The following SGPP2 variants were observed in gnomAD, a reference collection of about 807,000 sequenced individuals.
SGPP2 encodes sphingosine-1-phosphate phosphatase 2.
Under a neutral mutation model 33.9 loss-of-function variants are expected in SGPP2, and 30 were observed. The observed-to-expected ratio is 0.89, with a 90% CI of 0.66 to 1.20. The LOEUF is 1.20. Among genes scored for constraint, SGPP2 ranks in the 50% most tolerant of loss-of-function variants. The probability of loss-of-function intolerance (pLI) is 0.00; values close to 1 mark genes in which losing one functional copy is unlikely to be tolerated. For synonymous variants in SGPP2, 233 were observed against 225.0 expected, an observed-to-expected ratio of 1.04 and a Z score of -0.32; for missense variants, 458 against 532.1, an observed-to-expected ratio of 0.86 and a Z score of 1.37.
intron 1 of SGPP2, among the ~76,000 whole-genome samples, chr2:222,430,193 A>T (rs1273016930): frequency 6.6e-6 from 1 of 152,218 alleles, no homozygotes; most frequent in Non-Finnish European, 1.5e-5. Context: ...GTTGGGGCTT[A>T]AAGAGTGGGT....
chr2:222,455,812 A>G (rs911874878), intron 1 of SGPP2, among the ~76,000 whole-genome samples: 2 of 152,220 alleles, frequency 1.3e-5, no homozygotes, highest in Admixed American at 6.5e-5. Context: ...TGTAATCCCA[A>G]TGCTTTGGGA....
rs1387444559 is a variant in SGPP2, at chr2:222,551,346, C to G, written c.649-7001C>G. Among the ~76,000 whole-genome samples, 4 of 152,026 alleles carry G rather than the reference C, an allele frequency of 2.6e-5. No individual in the cohort carries two copies. The East Asian group carries it at 7.7e-4, about 29-fold the overall frequency. On this transcript the variant is annotated intron_variant, in intron 4 of 4. Coordinates refer to ENST00000321276, the MANE Select transcript of SGPP2 (RefSeq NM_152386.4). ...CACTATGCAGCTCCAAAGAAGTAAC[C>G]TCCTAACTTTGAATATGCAAAAAAA... is the stretch of plus-strand genomic sequence containing the variant.
At chr2:222,430,741 A>T (rs1243671485) in intron 1 of SGPP2, among the ~76,000 whole-genome samples, 1 of 152,232 alleles carries the variant, frequency 6.6e-6, no homozygotes, top group East Asian at 1.9e-4. Context: ...CCTTGGCCAG[A>T]TGATCAAGGT....
intron 2 of SGPP2, among the ~76,000 whole-genome samples, chr2:222,494,071 T>C (rs1256096812): frequency 1.3e-5 from 2 of 152,228 alleles, no homozygotes; most frequent in Non-Finnish European, 2.9e-5. Context: ...TCAAGGAAAG[T>C]AACTTCAAAA....
chr2:222,474,411 A>G (rs943213639), intron 1 of SGPP2, among the ~76,000 whole-genome samples, 157 bp from the exon 2 acceptor site: 1 of 152,222 alleles, frequency 6.6e-6, no homozygotes, highest in Non-Finnish European at 1.5e-5. Flanking sequence ...GAATAAATTG[A>G]GGTTGAAAAG....
intron 2 of SGPP2, among the ~76,000 whole-genome samples, chr2:222,492,716 G>T (rs1160602500): frequency 1.2e-4 from 19 of 152,200 alleles, no homozygotes; most frequent in Admixed American, 1.2e-3. Context: ...CAGAAAATGG[G>T]TTTTCCTTTC....
chr2:222,555,680 A>T (rs1364461040), intron 4 of SGPP2, among the ~76,000 whole-genome samples: 1 of 152,186 alleles, frequency 6.6e-6, no homozygotes, highest in Non-Finnish European at 1.5e-5. Flanking sequence ...TCAAAGACAG[A>T]ATCTGCAAAT....
intron 1 of SGPP2, among the ~76,000 whole-genome samples, chr2:222,440,047 CA>C (rs1175771586): frequency 6.6e-6 from 1 of 152,160 alleles, no homozygotes; most frequent in East Asian, 1.9e-4. Context: ...GTTAAAAAAT[CA>C]ATACTGCCTT....
In SGPP2 at chr2:222,561,779, C is replaced by T. The variant is rs1036490069; in HGVS notation, c.*2881C>T. ...GAAAAGTGTATATTGGTGACGCCAACCTCAGTTTCTGAGCACTCCTGCTCT... is the reference window on the plus strand; with the variant it reads ...GAAAAGTGTATATTGGTGACGCCAATCTCAGTTTCTGAGCACTCCTGCTCT... On this transcript the variant is annotated 3_prime_UTR_variant, in exon 5 of 5. Transcript: ENST00000321276. 6.6e-6 allele frequency among the ~76,000 whole-genome samples: 1 copy of T among 151,836 alleles called. No individual in the cohort carries two copies. The highest frequency in any genetic ancestry group is 1.5e-5 in the Non-Finnish European group (1 of 67,988).
rs1697936869 is a variant in SGPP2 at position 222,476,634 on chromosome 2, AC to A, written c.378+1910del. Among the ~76,000 whole-genome samples, 1 of 151,528 alleles carries A rather than the reference AC, an allele frequency of 6.6e-6. No homozygotes were observed. The highest frequency in any genetic ancestry group is 2.1e-4 in the South Asian group (1 of 4,794). On this transcript the variant is annotated intron_variant, in intron 2 of 4. Transcript: ENST00000321276. This position sits in a 1 kb window ranked among gnomAD's most constrained non-coding sequence, Gnocchi z 4.3. ...CTTAACATCTGAAAACCCTTGGAAA[AC>A]CTATGGGCTTGAGTTTCTTTCCTAC... is the stretch of plus-strand genomic sequence containing the variant.
chr2:222,497,821 G>A (rs534305549), intron 2 of SGPP2, among the ~76,000 whole-genome samples: 17 of 152,296 alleles, frequency 1.1e-4, no homozygotes, highest in African/African-American at 4.1e-4. Flanking sequence ...GATGTGATGA[G>A]GGAAGAGCAG....
intron 1 of SGPP2, among the ~76,000 whole-genome samples, chr2:222,436,609 C>A (rs1389369619): frequency 1.3e-5 from 2 of 152,122 alleles, no homozygotes; most frequent in Non-Finnish European, 2.9e-5. Flanking sequence ...ACTTCTTTAG[C>A]CGTAAAGTGA....
At chr2:222,446,475 G>A (rs914019104) in intron 1 of SGPP2, among the ~76,000 whole-genome samples, 7 of 152,196 alleles carry the variant, frequency 4.6e-5, no homozygotes, top group Non-Finnish European at 1.0e-4. Flanking sequence ...CTATCCGGGG[G>A]AATAGCTTTC....
At chr2:222,548,629 C>T (rs536601349) in intron 4 of SGPP2, among the ~76,000 whole-genome samples, 1 of 152,356 alleles carries the variant, frequency 6.6e-6, no homozygotes, top group African/African-American at 2.4e-5. Flanking sequence ...ACTGCTTTTG[C>T]TCATACCATG....
At position 222,488,744 on chromosome 2, in the gene SGPP2, A is replaced by ATG. The variant is rs72394182; in HGVS notation, c.378+14030_378+14031dup. On this transcript the variant is annotated intron_variant, in intron 2 of 4. Coordinates refer to ENST00000321276, the MANE Select transcript of SGPP2 (RefSeq NM_152386.4). ...CAAGCCTTACTCTCAGCTTAGGGGG[A>ATG]TGTGTGTGTGTGTATGTGTGTGTGT... is the stretch of plus-strand genomic sequence containing the variant. Among the ~76,000 whole-genome samples, 570 of 151,956 alleles carry ATG rather than the reference A, an allele frequency of 3.8e-3. 1 individual carries two copies. Among genetic ancestry groups the ATG allele is most frequent in the African/African-American group, 0.013 (550 of 41,480 alleles).
At chr2:222,511,780 T>G (rs945067212) in intron 2 of SGPP2, among the ~76,000 whole-genome samples, 2 of 152,044 alleles carry the variant, frequency 1.3e-5, no homozygotes, top group African/African-American at 4.8e-5. Context: ...GAGGCTCAGG[T>G]GATCCTCCCA....
Position 222,525,018 on chromosome 2 carries a change from G to T in SGPP2, c.633G>T (p.Gly211=), listed in dbSNP as rs142806391. The T allele has an allele frequency of 3.7e-5, 59 of 1,613,904 alleles. No homozygotes were observed. The Admixed American group carries it at 3.7e-4, about 10-fold the overall frequency. ...TLVCLSRLYT[G]MHTVLDVLGG... ...TGTGTCTCAGCAGGCTCTACACTGG[G>T]ATGCATACGGTCCTGGTAAGGCTTT... The change falls in exon 4 of 5, where the codon GGG becomes GGT. Residue 211 remains glycine (G), a synonymous_variant. Coordinates refer to ENST00000321276, the MANE Select transcript of SGPP2 (RefSeq NM_152386.4).
At chr2:222,520,958 C>T (rs1698677265) in intron 2 of SGPP2, among the ~76,000 whole-genome samples, 1 of 152,124 alleles carries the variant, frequency 6.6e-6, no homozygotes, top group South Asian at 2.1e-4. Flanking sequence ...CAGGGTCTCA[C>T]CATCTTTCCC....
At chr2:222,494,914 T>G (rs905461756) in intron 2 of SGPP2, among the ~76,000 whole-genome samples, 1 of 152,198 alleles carries the variant, frequency 6.6e-6, no homozygotes, top group Admixed American at 6.5e-5. Context: ...TAACTTTCCC[T>G]TAAAATATAA....
Sources: gnomAD v4.1 joint callset for allele counts (sites outside exome capture counted in the v4.1 genomes callset) on GRCh38, gnomAD v4.1.1 for gene constraint, Gnocchi (gnomAD v3.1) non-coding constraint, MANE v1.5 for transcripts, NCBI Gene and HGNC (gene_info 2026-07-23, HGNC 2026-07-21) for gene names.